The following PAFAH1B1 variants were observed in gnomAD, a reference collection of about 807,000 sequenced individuals.
PAFAH1B1 encodes the protein platelet-activating factor acetylhydrolase IB subunit beta.
Under a neutral mutation model 57.5 loss-of-function variants are expected in PAFAH1B1, and 2 were observed. The ratio of observed to expected loss-of-function variants is 0.03; its 90% CI spans 0.01 to 0.11. The LOEUF (loss-of-function observed/expected upper bound fraction) is 0.11, where lower values mean the gene tolerates loss of function less well. Ranked by LOEUF, PAFAH1B1 falls within the 10% of genes least tolerant of loss-of-function variation. The pLI is 1.00. For synonymous variants in PAFAH1B1, 152 were observed against 169.6 expected (o/e 0.90, Z 0.81); for missense variants, 257 against 512.0 (o/e 0.50, Z 4.81).
intron 1 of PAFAH1B1, among the ~76,000 whole-genome samples, chr17:2,627,114 A>G (rs565025253): frequency 3.6e-4 from 55 of 152,252 alleles, no homozygotes; most frequent in African/African-American, 1.2e-3. Context: ...CCAGCTATTT[A>G]TCTTTGTTTT....
intron 1 of PAFAH1B1, among the ~76,000 whole-genome samples, chr17:2,609,955 G>A (rs1047692542): frequency 1.1e-4 from 17 of 152,164 alleles, no homozygotes; most frequent in African/African-American, 3.4e-4. Flanking sequence ...CTCCCAAGTC[G>A]CTGGGATTAC....
chr17:2,678,945 C>CT (rs1444111996), intron 9 of PAFAH1B1, among the ~76,000 whole-genome samples: 1 of 152,154 alleles, frequency 6.6e-6, no homozygotes, highest in African/African-American at 2.4e-5. Flanking sequence ...GTGGTAGCTA[C>CT]TAGCCACATG....
chr17:2,634,673 TC>T (rs771261684), intron 1 of PAFAH1B1, among the ~76,000 whole-genome samples: 15 of 152,130 alleles, frequency 9.9e-5, no homozygotes, highest in Non-Finnish European at 2.1e-4. Context: ...TTTTTTTTTT[TC>T]CTAAAATCTT....
chr17:2,665,241 A>T (rs1211444785), intron 2 of PAFAH1B1, 131 bp from the exon 3 acceptor site: 12 of 669,616 alleles, frequency 1.8e-5, no homozygotes, highest in Non-Finnish European at 2.9e-5. Flanking sequence ...TTAATGAAAT[A>T]CTTGTATGAT....
At position 2,603,494 on chromosome 17, in the gene PAFAH1B1, G is replaced by T. The variant is rs2068169047; in HGVS notation, c.-191+9488G>T. Reference sequence around the variant, plus strand: ...AAATTAGCTGAGCGTGGTGGTAGATGCCTGTAATCCCAGCTACTTGGGAGG... The same window carrying T: ...AAATTAGCTGAGCGTGGTGGTAGATTCCTGTAATCCCAGCTACTTGGGAGG... On this transcript the variant is annotated intron_variant, in intron 1 of 10. Coordinates refer to ENST00000397195, the MANE Select transcript of PAFAH1B1 (RefSeq NM_000430.4). 2.0e-5 allele frequency among the ~76,000 whole-genome samples: 3 copies of T among 152,142 alleles called. No individual in the cohort carries two copies. In the South Asian group the frequency reaches 6.2e-4, roughly 32 times the overall value.
chr17:2,671,630 T>C, intron 6 of PAFAH1B1, among the ~76,000 whole-genome samples: 1 of 129,912 alleles, frequency 7.7e-6, no homozygotes, highest in Admixed American at 8.5e-5. Flanking sequence ...GGAGATGGCC[T>C]CTTGCTTTGT....
intron 1 of PAFAH1B1, among the ~76,000 whole-genome samples, chr17:2,609,833 T>C (rs2068247005): frequency 1.3e-5 from 2 of 152,034 alleles, no homozygotes; most frequent in Non-Finnish European, 1.5e-5. Flanking sequence ...TTTTAATATA[T>C]ATATATTTTA....
In PAFAH1B1 at chr17:2,652,283, C is replaced by T. The variant is rs560779374; in HGVS notation, c.33-13089C>T. Among the ~76,000 whole-genome samples, 667 of 151,988 alleles carry T rather than the reference C, an allele frequency of 4.4e-3. 1 individual carries two copies. The highest frequency in any genetic ancestry group is 0.012 in the African/African-American group (505 of 41,468). On this transcript the variant is annotated intron_variant, in intron 2 of 10. Coordinates refer to ENST00000397195, the MANE Select transcript of PAFAH1B1 (RefSeq NM_000430.4). Reference sequence around the variant, plus strand: ...AAAAAAAATTGGCCGGGCGTGGTGGCGGGTGCCTGTAGTCCCAGCTACTCG... The same window carrying T: ...AAAAAAAATTGGCCGGGCGTGGTGGTGGGTGCCTGTAGTCCCAGCTACTCG...
intron 7 of PAFAH1B1, chr17:2,673,563 T>C (rs939857950): frequency 1.2e-4 from 19 of 160,254 alleles, no homozygotes; most frequent in Admixed American, 9.6e-4. Flanking sequence ...GGCGTGAACC[T>C]GGGAGGTGGA....
chr17:2,648,766 A>T (rs1046310231), intron 2 of PAFAH1B1, among the ~76,000 whole-genome samples: 1 of 152,150 alleles, frequency 6.6e-6, no homozygotes, highest in Admixed American at 6.6e-5. Context: ...ATGGTTAAAA[A>T]AAAAAAACCC....
At chr17:2,650,341 A>G (rs889762451) in intron 2 of PAFAH1B1, among the ~76,000 whole-genome samples, 2 of 152,102 alleles carry the variant, frequency 1.3e-5, no homozygotes, top group African/African-American at 4.8e-5. Context: ...GCAAAACCCC[A>G]TCTCTACTGA....
At position 2,674,232 on chromosome 17, in the gene PAFAH1B1, A is replaced by G. The variant is rs752776848; in HGVS notation, c.844A>G (p.Ile282Val). The change falls in exon 8 of 11, where the codon ATT becomes GTT. Residue 282 changes from isoleucine (I) to valine (V), a missense_variant. By Grantham distance (29) the Ile-to-Val change is conservative. Transcript: ENST00000397195. Reference sequence around the variant, plus strand: ...AGAGCATGAGCATGTGGTAGAATGCATTTCCTGGGCTCCAGAAAGCTCATA... The same window carrying G: ...AGAGCATGAGCATGTGGTAGAATGCGTTTCCTGGGCTCCAGAAAGCTCATA... ...LREHEHVVEC[I>V]SWAPESSYSS... The G allele has an allele frequency of 4.3e-6, 7 of 1,613,928 alleles. No individual in the cohort carries two copies. The highest frequency in any genetic ancestry group is 5.9e-6 in the Non-Finnish European group (7 of 1,179,936).
At chr17:2,611,650 G>A (rs1026760088) in intron 1 of PAFAH1B1, among the ~76,000 whole-genome samples, 21 of 152,024 alleles carry the variant, frequency 1.4e-4, no homozygotes, top group African/African-American at 5.1e-4. Flanking sequence ...TCGGAGTCTC[G>A]CTTACTTTTT....
intron 1 of PAFAH1B1, among the ~76,000 whole-genome samples, chr17:2,626,049 G>C (rs1000585264): frequency 3.9e-5 from 6 of 152,066 alleles, no homozygotes; most frequent in African/African-American, 1.4e-4. Context: ...TCAGGAGTTG[G>C]GAACCAGCCT....
At chr17:2,636,560 C>T (rs1036940076) in intron 1 of PAFAH1B1, among the ~76,000 whole-genome samples, 1 of 151,990 alleles carries the variant, frequency 6.6e-6, no homozygotes, top group African/African-American at 2.4e-5. Context: ...AGCAATTTCT[C>T]GCAAATTTTT....
chr17:2,615,897 A>G (rs1051812749), intron 1 of PAFAH1B1, among the ~76,000 whole-genome samples: 1 of 152,228 alleles, frequency 6.6e-6, no homozygotes, highest in African/African-American at 2.4e-5. Flanking sequence ...CCAGGAGGTG[A>G]TAAGGTAGAC....
At chr17:2,634,266 A>T (rs2068594405) in intron 1 of PAFAH1B1, among the ~76,000 whole-genome samples, 1 of 152,104 alleles carries the variant, frequency 6.6e-6, no homozygotes, top group Non-Finnish European at 1.5e-5. Context: ...CCTCTCAAGT[A>T]GCTGGATTAC....
At chr17:2,652,933 G>A (rs1316854842) in intron 2 of PAFAH1B1, among the ~76,000 whole-genome samples, 13 of 152,076 alleles carry the variant, frequency 8.5e-5, no homozygotes, top group Non-Finnish European at 1.9e-4. Context: ...TATACCCAAA[G>A]GATTATAAAT....
At chr17:2,651,659 C>A (rs1179561252) in intron 2 of PAFAH1B1, among the ~76,000 whole-genome samples, 2 of 136,842 alleles carry the variant, frequency 1.5e-5, no homozygotes, top group Non-Finnish European at 3.3e-5. Context: ...TGTAAACCTC[C>A]TTGCTTCTCT....
Sources: allele counts gnomAD v4.1 joint callset (sites outside exome capture counted in the v4.1 genomes callset), GRCh38; gene constraint gnomAD v4.1.1; transcripts MANE v1.5; gene names NCBI Gene and HGNC (gene_info 2026-07-23, HGNC 2026-07-21).